GRM5: variants seen among roughly 807,000 people sequenced by gnomAD.
GRM5 encodes metabotropic glutamate receptor 5.
Under a neutral mutation model 83.1 loss-of-function variants are expected in GRM5, and 19 were observed. The ratio of observed to expected loss-of-function variants is 0.23; its 90% CI spans 0.16 to 0.34. The LOEUF is 0.34. Ranked by LOEUF, GRM5 falls within the 10% of genes least tolerant of loss-of-function variation. The probability of loss-of-function intolerance (pLI) is 1.00; values close to 1 mark genes in which losing one functional copy is unlikely to be tolerated. For missense variants in GRM5, 1,160 were observed against 1,588.3 expected (o/e 0.73, Z 4.58); for synonymous variants, 675 against 633.6 (o/e 1.07, Z -0.98).
At chr11:88,858,634 A>T (rs1258766548) in intron 2 of GRM5, among the ~76,000 whole-genome samples, 1 of 152,010 alleles carries the variant, frequency 6.6e-6, no homozygotes, top group East Asian at 1.9e-4. Flanking sequence ...TGAGTGTCAT[A>T]TTTGGTTTGG....
intron 3 of GRM5, among the ~76,000 whole-genome samples, chr11:88,726,833 A>G (rs2135401864): frequency 6.6e-6 from 1 of 152,348 alleles, no homozygotes; most frequent in Admixed American, 6.5e-5. Flanking sequence ...ACAGACAAGC[A>G]AATGCTGAGA....
At chr11:88,780,540 T>G (rs1231398796) in intron 3 of GRM5, among the ~76,000 whole-genome samples, 1 of 152,120 alleles carries the variant, frequency 6.6e-6, no homozygotes, top group African/African-American at 2.4e-5. Flanking sequence ...ACTGAACACT[T>G]CAGAGCTTTA....
At chr11:88,879,232 T>G (rs1944909933) in intron 2 of GRM5, among the ~76,000 whole-genome samples, 1 of 152,064 alleles carries the variant, frequency 6.6e-6, no homozygotes, top group Admixed American at 6.6e-5. Flanking sequence ...TTAAATAGAT[T>G]AAAATGTAAC....
chr11:88,574,271 G>T (rs893619821), intron 7 of GRM5, among the ~76,000 whole-genome samples: 2 of 152,082 alleles, frequency 1.3e-5, no homozygotes, highest in African/African-American at 4.8e-5. Flanking sequence ...TCTAGTGCAT[G>T]GATAAGTCAT....
intron 2 of GRM5, among the ~76,000 whole-genome samples, chr11:88,870,778 A>G (rs1327314168): frequency 6.6e-6 from 1 of 151,458 alleles, no homozygotes; most frequent in Admixed American, 6.6e-5. Context: ...GCAGTGGGGG[A>G]TATGGGTGTA....
At chr11:89,056,429 TAAAAG>T (rs1941876535) in intron 1 of GRM5, among the ~76,000 whole-genome samples, 1 of 152,148 alleles carries the variant, frequency 6.6e-6, no homozygotes, top group African/African-American at 2.4e-5. Flanking sequence ...AAGTGTCTAG[TAAAAG>T]AAAAGATGAA....
At chr11:88,969,799 CAGAA>C (rs1408075055) in intron 2 of GRM5, among the ~76,000 whole-genome samples, 2 of 152,020 alleles carry the variant, frequency 1.3e-5, no homozygotes, top group African/African-American at 4.8e-5. Flanking sequence ...ATTTCGTGCA[CAGAA>C]AGAAATTCAG....
chr11:88,830,995 C>A (rs182786495), intron 3 of GRM5, among the ~76,000 whole-genome samples: 1 of 152,018 alleles, frequency 6.6e-6, no homozygotes, highest in East Asian at 1.9e-4. Flanking sequence ...AAAGACCTGA[C>A]CCCCATGATT....
At chr11:88,718,888 A>ACTT (rs1941462970) in intron 3 of GRM5, among the ~76,000 whole-genome samples, 1 of 151,902 alleles carries the variant, frequency 6.6e-6, no homozygotes, top group Admixed American at 6.6e-5. Flanking sequence ...TCTGTAAAAG[A>ACTT]CTTCACTGAG....
chr11:88,704,675 A>C (rs975459299), intron 3 of GRM5, among the ~76,000 whole-genome samples: 24 of 152,196 alleles, frequency 1.6e-4, no homozygotes, highest in African/African-American at 5.8e-4. Context: ...CTTAAATAAA[A>C]CATGGGACTA....
chr11:88,918,020 C>A (rs532024714), intron 2 of GRM5, among the ~76,000 whole-genome samples: 1 of 151,958 alleles, frequency 6.6e-6, no homozygotes, highest in East Asian at 1.9e-4. Context: ...AAGACTAACT[C>A]AGGAGATTTA....
chr11:88,919,817 A>C (rs986363790), intron 2 of GRM5, among the ~76,000 whole-genome samples: 2 of 152,084 alleles, frequency 1.3e-5, no homozygotes, highest in African/African-American at 4.8e-5. Context: ...CCCATGAATA[A>C]ATTAAAACAA....
At position 88,836,861 on chromosome 11, in the gene GRM5, A is replaced by G. The variant is rs182333298; in HGVS notation, c.911+13045T>C. Reference sequence around the variant, plus strand: ...ACAAACAAAAAAACAAATCTAGAAAACAATAAAGAGCAAATGTTTTTGACT... The same window carrying G: ...ACAAACAAAAAAACAAATCTAGAAAGCAATAAAGAGCAAATGTTTTTGACT... On this transcript the variant is annotated intron_variant, in intron 3 of 9. Coordinates refer to ENST00000305447, the MANE Select transcript of GRM5 (RefSeq NM_001143831.3). Among the ~76,000 whole-genome samples, 508 of 152,266 alleles carry G rather than the reference A, an allele frequency of 3.3e-3. 4 individuals are homozygous for G. Among genetic ancestry groups the G allele is most frequent in the Middle Eastern group, 0.014 (4 of 294 alleles).
At chr11:88,742,841 A>G (rs1469087938) in intron 3 of GRM5, among the ~76,000 whole-genome samples, 4 of 152,072 alleles carry the variant, frequency 2.6e-5, no homozygotes, top group African/African-American at 9.7e-5. Context: ...TAATTACAGA[A>G]CTGCTTCTAC....
Position 88,875,616 on chromosome 11 carries a change from T to C in GRM5, c.662-25461A>G, listed in dbSNP as rs184252758. Among the ~76,000 whole-genome samples the C allele has an allele frequency of 2.2e-3, 337 of 152,202 alleles. 2 individuals are homozygous for C. Among genetic ancestry groups the C allele is most frequent in the African/African-American group, 7.8e-3 (325 of 41,554 alleles). On this transcript the variant is annotated intron_variant, in intron 2 of 9. Transcript: ENST00000305447. ...CATAGATTAATCTGAAGAATCACAATCTGTGGCAGCTATAGCATTATGAAA... is the reference window on the plus strand; with the variant it reads ...CATAGATTAATCTGAAGAATCACAACCTGTGGCAGCTATAGCATTATGAAA...
intron 2 of GRM5, among the ~76,000 whole-genome samples, chr11:89,004,645 G>A (rs552367272): frequency 6.6e-6 from 1 of 152,016 alleles, no homozygotes; most frequent in Non-Finnish European, 1.5e-5. Context: ...AAATAGTTCC[G>A]AATTTAGGCT....
At chr11:88,512,035 T>TTCTC (rs151135701) in intron 9 of GRM5, 1 of 151,440 alleles carries the variant, frequency 6.6e-6, no homozygotes, top group African/African-American at 2.4e-5. Flanking sequence ...TTTAAAAAGT[T>TTCTC]TCTCTCTCTC....
Position 88,509,220 on chromosome 11 carries a change from GC to G in GRM5, c.3010del (p.Ala1004ProfsTer22). The G allele has an allele frequency of 6.5e-7, 1 of 1,530,944 alleles. No homozygotes were observed. The highest frequency in any genetic ancestry group is 8.8e-7 in the Non-Finnish European group (1 of 1,141,144). 94.8% of individuals were successfully genotyped at this position (1,530,944 alleles called of 1,614,324 possible). On this transcript the variant is annotated frameshift_variant, in exon 10 of 10. Transcript: ENST00000305447. LOFTEE classifies it low-confidence loss of function (END_TRUNC). ...CGCCGGGAAGTGCTCCTCAGCCTCG[GC>G]CACATCATACAGCGCCTTGGGGCCG... The part of the protein sequence containing the change: ...DAGPKALYDV[A>X]EAEEHFPAPA...
At chr11:89,054,076 A>G (rs977697221) in intron 1 of GRM5, among the ~76,000 whole-genome samples, 1 of 152,224 alleles carries the variant, frequency 6.6e-6, no homozygotes, top group Non-Finnish European at 1.5e-5. Flanking sequence ...ACAGCGGAGG[A>G]ACACATTCTA....
Sources: allele counts gnomAD v4.1 joint callset (sites outside exome capture counted in the v4.1 genomes callset), GRCh38; gene constraint gnomAD v4.1.1; transcripts MANE v1.5; gene names NCBI Gene and HGNC (gene_info 2026-07-23, HGNC 2026-07-21).